MAGI2: variants seen among roughly 807,000 people sequenced by gnomAD.
MAGI2 encodes membrane associated guanylate kinase, WW and PDZ domain containing 2.
In MAGI2, 35 loss-of-function variants were observed where a neutral mutation model predicts 133.3. That is an observed-to-expected ratio of 0.26 (90% confidence interval 0.20 to 0.35). The LOEUF is 0.35. Ranked by LOEUF, MAGI2 falls within the 10% of genes least tolerant of loss-of-function variation. The pLI, the probability that MAGI2 is intolerant of heterozygous loss-of-function variation, is 1.00. For synonymous variants in MAGI2, 729 were observed against 710.6 expected (o/e 1.03, Z -0.41); for missense variants, 1,636 against 1,863.4 (o/e 0.88, Z 2.25).
At chr7:78,960,470 GGAGT>G (rs1802743746) in intron 2 of MAGI2, among the ~76,000 whole-genome samples, 1 of 152,004 alleles carries the variant, frequency 6.6e-6, no homozygotes, top group Non-Finnish European at 1.5e-5. Flanking sequence ...TACTCCCTAA[GGAGT>G]GAGTACTGCT....
At chr7:78,323,910 C>CA (rs1375550884) in intron 9 of MAGI2, among the ~76,000 whole-genome samples, 2 of 151,936 alleles carry the variant, frequency 1.3e-5, no homozygotes, top group Non-Finnish European at 2.9e-5. Context: ...GGGTTGGGAG[C>CA]AAAAACCTGG....
At chr7:78,946,175 T>G in intron 2 of MAGI2, among the ~76,000 whole-genome samples, 1 of 152,190 alleles carries the variant, frequency 6.6e-6, no homozygotes, top group East Asian at 1.9e-4. Flanking sequence ...TTAGTTAGCA[T>G]ATTTAAAATA....
intron 2 of MAGI2, among the ~76,000 whole-genome samples, chr7:78,958,778 G>A (rs1802613242): frequency 6.6e-6 from 1 of 152,044 alleles, no homozygotes; most frequent in South Asian, 2.1e-4. Context: ...TGGATTACCT[G>A]GTAATCCACC....
chr7:78,194,905 G>C lies in MAGI2; in HGVS notation c.2238C>G (p.Tyr746Ter), dbSNP rs368616547. The C allele has an allele frequency of 6.2e-7, 1 of 1,609,388 alleles. No individual in the cohort carries two copies. The highest frequency in any genetic ancestry group is 8.5e-7 in the Non-Finnish European group (1 of 1,178,540). The change falls in exon 12 of 22, where the codon TAC (tyrosine) becomes TAG (stop). Residue 746 changes from tyrosine to a stop codon, truncating the protein, a stop_gained. Coordinates refer to ENST00000354212, the MANE Select transcript of MAGI2 (RefSeq NM_012301.4). LOFTEE classifies it high-confidence loss of function. Reference protein sequence around the residue: ...DPRKPDPYELYEKSRAIYESR... With the variant: ...DPRKPDPYEL ...TTTCATAAATGGCCCTAGATTTCTCGTAGAGCTCATATGGATCAGGCTTCC... is the reference window on the plus strand; with the variant it reads ...TTTCATAAATGGCCCTAGATTTCTCCTAGAGCTCATATGGATCAGGCTTCC...
At chr7:78,520,635 C>T (rs60961724) in intron 4 of MAGI2, among the ~76,000 whole-genome samples, 25,438 of 151,884 alleles carry the variant, frequency 0.17, 2,318 homozygotes, top group African/African-American at 0.22. Context: ...CAAAATGCCA[C>T]AGTTTTGTTG....
intron 1 of MAGI2, among the ~76,000 whole-genome samples, chr7:79,214,192 C>T (rs1829755829): frequency 1.3e-5 from 2 of 151,284 alleles, no homozygotes; most frequent in African/African-American, 4.9e-5. Context: ...TAGATTACCC[C>T]AAACTGCATT....
At chr7:78,769,323 G>T (rs972488323) in intron 2 of MAGI2, among the ~76,000 whole-genome samples, 3 of 151,762 alleles carry the variant, frequency 2.0e-5, no homozygotes, top group Non-Finnish European at 4.4e-5. Flanking sequence ...CACATGCATG[G>T]GTCTTTCCTT....
chr7:79,260,278 C>T lies in MAGI2; in HGVS notation c.301+192742G>A, dbSNP rs183775855. Among the ~76,000 whole-genome samples, 13 of 152,136 alleles carry T rather than the reference C, an allele frequency of 8.5e-5. No individual in the cohort carries two copies. The East Asian group carries it at 2.5e-3, about 30-fold the overall frequency. On this transcript the variant is annotated intron_variant, in intron 1 of 21. Coordinates refer to ENST00000354212, the MANE Select transcript of MAGI2 (RefSeq NM_012301.4). ...AGCTAACATGGGAGGATGACTTGAG[C>T]CCGTGAGATTGAGGCTGCAGTGAGC...
intron 3 of MAGI2, among the ~76,000 whole-genome samples, chr7:78,621,646 C>CTAT (rs1807753949): frequency 1.3e-5 from 2 of 151,986 alleles, no homozygotes; most frequent in South Asian, 4.1e-4. Context: ...ACCCTACCTA[C>CTAT]AGCCATGTGG....
chr7:79,309,974 A>AAAAAT, intron 1 of MAGI2, among the ~76,000 whole-genome samples: 1 of 144,156 alleles, frequency 6.9e-6, no homozygotes. Flanking sequence ...TTCCTAAAAA[A>AAAAAT]AAAAAAAAAG....
intron 1 of MAGI2, among the ~76,000 whole-genome samples, chr7:79,236,252 T>C (rs1029448494): frequency 6.6e-6 from 1 of 152,232 alleles, no homozygotes; most frequent in Non-Finnish European, 1.5e-5. Context: ...AGAATTAATA[T>C]GTTAATGGGT....
chr7:78,689,683 T>C, intron 2 of MAGI2, among the ~76,000 whole-genome samples: 1 of 7,684 alleles, frequency 1.3e-4, no homozygotes, highest in East Asian at 4.2e-3. Context: ...TGGATCTGGC[T>C]TTTTTTTTTT....
intron 16 of MAGI2, among the ~76,000 whole-genome samples, chr7:78,137,780 GA>G (rs1463213719): frequency 6.6e-6 from 1 of 152,066 alleles, no homozygotes; most frequent in African/African-American, 2.4e-5. Context: ...TATTCAAAGG[GA>G]AATCAGCATG....
At chr7:79,377,437 AT>A (rs1843455568) in intron 1 of MAGI2, among the ~76,000 whole-genome samples, 1 of 151,836 alleles carries the variant, frequency 6.6e-6, no homozygotes, top group Admixed American at 6.6e-5. Flanking sequence ...GACGAGATTC[AT>A]TGCCATCCAT....
chr7:78,090,937 A>C lies in MAGI2; in HGVS notation c.3568-11852T>G, dbSNP rs1817132992. Among the ~76,000 whole-genome samples, 2 of 152,194 alleles carry C rather than the reference A, an allele frequency of 1.3e-5. 1 individual carries two copies. The highest frequency in any genetic ancestry group is 4.1e-4 in the South Asian group (2 of 4,834). Reference sequence around the variant, plus strand: ...TGGGAAATACACTCTTATTTATGATAGTTATTCTATAACTACCTCCCAGTA... The same window carrying C: ...TGGGAAATACACTCTTATTTATGATCGTTATTCTATAACTACCTCCCAGTA... On this transcript the variant is annotated intron_variant, in intron 20 of 21. Coordinates refer to ENST00000354212, the MANE Select transcript of MAGI2 (RefSeq NM_012301.4).
intron 10 of MAGI2, chr7:78,255,580 G>A (rs950945956): frequency 1.5e-5 from 7 of 452,106 alleles, no homozygotes; most frequent in Admixed American, 8.4e-5. Context: ...CGTAAAAGCA[G>A]GTTTCTTAAT....
intron 9 of MAGI2, among the ~76,000 whole-genome samples, chr7:78,266,066 A>C (rs932806355): frequency 6.6e-6 from 1 of 152,246 alleles, no homozygotes; most frequent in Non-Finnish European, 1.5e-5. Flanking sequence ...GAGGGATGAA[A>C]AAAGGATGGA....
At chr7:78,143,113 G>A (rs1822934664) in intron 16 of MAGI2, among the ~76,000 whole-genome samples, 1 of 152,208 alleles carries the variant, frequency 6.6e-6, no homozygotes, top group Non-Finnish European at 1.5e-5. Flanking sequence ...CAATCAAGGG[G>A]TGGAAGGTGA....
intron 2 of MAGI2, among the ~76,000 whole-genome samples, chr7:78,889,715 C>G (rs1394079929): frequency 2.0e-5 from 3 of 152,112 alleles, no homozygotes; most frequent in Admixed American, 6.6e-5. Context: ...CCCTAAAAGA[C>G]CTCCTGAAGG....
Sources: allele counts gnomAD v4.1 joint callset (sites outside exome capture counted in the v4.1 genomes callset), GRCh38; gene constraint gnomAD v4.1.1; transcripts MANE v1.5; gene names NCBI Gene and HGNC (gene_info 2026-07-23, HGNC 2026-07-21).